The following SULT1B1 variants were observed in gnomAD, a reference collection of about 807,000 sequenced individuals.
The protein encoded by SULT1B1 is sulfotransferase 1B1.
Under a neutral mutation model 34.6 loss-of-function variants are expected in SULT1B1, and 28 were observed. The ratio of observed to expected loss-of-function variants is 0.81; its 90% CI spans 0.60 to 1.11. SULT1B1 has a LOEUF of 1.11. Ranked by LOEUF, SULT1B1 falls within the 50% of genes least tolerant of loss-of-function variation. The probability of loss-of-function intolerance (pLI) is 0.00; values close to 1 mark genes in which losing one functional copy is unlikely to be tolerated. For missense variants in SULT1B1, 374 were observed against 352.2 expected, an observed-to-expected ratio of 1.06 and a Z score of -0.50; for synonymous variants, 147 against 110.2, an observed-to-expected ratio of 1.33 and a Z score of -2.09.
intron 1 of SULT1B1, among the ~76,000 whole-genome samples, chr4:69,756,850 C>G (rs922635580): frequency 3.3e-5 from 5 of 152,088 alleles, no homozygotes; most frequent in African/African-American, 9.7e-5. Context: ...CCTTTTGGTT[C>G]TATTCAGGCC....
chr4:69,743,787 A>G (rs1429172425), intron 4 of SULT1B1, among the ~76,000 whole-genome samples: 1 of 152,204 alleles, frequency 6.6e-6, no homozygotes, highest in Non-Finnish European at 1.5e-5. Context: ...GGTGTCAACC[A>G]TGATCCGAGA....
intron 4 of SULT1B1, among the ~76,000 whole-genome samples, chr4:69,744,633 T>A (rs1718681945): frequency 6.6e-6 from 1 of 152,246 alleles, no homozygotes; most frequent in Non-Finnish European, 1.5e-5. Context: ...TCTTTGTGAA[T>A]CTAGCTAGTG....
At position 69,726,712 on chromosome 4, in the gene SULT1B1, T is replaced by A. The variant is rs1717846508; in HGVS notation, c.*376A>T. The A allele has an allele frequency of 6.5e-6, 1 of 154,460 alleles. No individual in the cohort carries two copies. Among genetic ancestry groups the A allele is most frequent in the Admixed American group, 6.5e-5 (1 of 15,290 alleles). The allele number at this position is 154,460 out of a possible 1,614,324, so 9.6% of individuals were successfully genotyped here. A position where few individuals can be genotyped will look rare whatever the true frequency, so the allele number is the denominator to read the frequency against. Reference sequence around the variant, plus strand: ...AGAGTTAGGAAATATAGTCTCATTATGAAAACAGCATTTCTTGGACCATGG... The same window carrying A: ...AGAGTTAGGAAATATAGTCTCATTAAGAAAACAGCATTTCTTGGACCATGG... On this transcript the variant is annotated 3_prime_UTR_variant, in exon 8 of 8. Coordinates refer to ENST00000310613, the MANE Select transcript of SULT1B1 (RefSeq NM_014465.4).
chr4:69,757,579 C>T (rs1027833025), intron 1 of SULT1B1, among the ~76,000 whole-genome samples: 2 of 151,148 alleles, frequency 1.3e-5, no homozygotes, highest in African/African-American at 2.5e-5. Flanking sequence ...CATCACTACC[C>T]CCATCTACAC....
chr4:69,749,683 G>GGC, intron 4 of SULT1B1, 38 bp downstream of exon 4: 3 of 1,416,040 alleles, frequency 2.1e-6, no homozygotes, highest in Non-Finnish European at 3.0e-6. Context: ...AAAGGGATAG[G>GGC]GCCATACTAA....
rs1717725343 is a variant in SULT1B1, at chr4:69,723,832, T to C, written c.*3256A>G. ...CTTTGACAAAATTCAACAGCCTTCA[T>C]GCTAAAAACTCTCAATAAATTAGGT... On this transcript the variant is annotated 3_prime_UTR_variant, in exon 8 of 8. Coordinates refer to ENST00000310613, the MANE Select transcript of SULT1B1 (RefSeq NM_014465.4). The C allele has an allele frequency of 1.3e-5, 2 of 152,204 alleles. No individual in the cohort carries two copies. The highest frequency in any genetic ancestry group is 2.9e-5 in the Non-Finnish European group (2 of 68,044). The allele number at this position is 152,204 out of a possible 1,614,324, so 9.4% of individuals were successfully genotyped here.
chr4:69,739,934 A>G (rs1718476429), intron 4 of SULT1B1, among the ~76,000 whole-genome samples: 1 of 152,206 alleles, frequency 6.6e-6, no homozygotes, highest in South Asian at 2.1e-4. Context: ...TCTCCATCTA[A>G]GACCACCTCA....
intron 4 of SULT1B1, among the ~76,000 whole-genome samples, chr4:69,738,340 G>T (rs1306025019): frequency 6.6e-6 from 1 of 152,140 alleles, no homozygotes; most frequent in Non-Finnish European, 1.5e-5. Flanking sequence ...AAGGAAAGAG[G>T]ATTAACTGAC....
In SULT1B1 at chr4:69,721,932, T is replaced by C. The variant is rs1000592202; in HGVS notation, c.*5156A>G. 2 of 152,140 alleles carry C rather than the reference T, an allele frequency of 1.3e-5. No homozygotes were observed. The highest frequency in any genetic ancestry group is 1.3e-4 in the Admixed American group (2 of 15,250). The allele number at this position is 152,140 out of a possible 1,614,324, so 9.4% of individuals were successfully genotyped here. A position where few individuals can be genotyped will look rare whatever the true frequency, so the allele number is the denominator to read the frequency against. On this transcript the variant is annotated 3_prime_UTR_variant, in exon 8 of 8. Transcript: ENST00000310613. ...AAGTGTTTTCATTTGGAAATTGTAC[T>C]GATGATTCAACAGGAGAAATAACGA... is the stretch of plus-strand genomic sequence containing the variant.
chr4:69,738,212 G>A (rs1008142480), intron 4 of SULT1B1, among the ~76,000 whole-genome samples: 4 of 152,194 alleles, frequency 2.6e-5, no homozygotes, highest in African/African-American at 4.8e-5. Flanking sequence ...TTATGGCTGT[G>A]TAGTATTCCG....
At position 69,740,094 on chromosome 4, in the gene SULT1B1, G is replaced by A. The variant is rs567096305; in HGVS notation, c.376-5830C>T. Among the ~76,000 whole-genome samples the A allele has an allele frequency of 1.2e-3, 184 of 152,176 alleles. 2 individuals are homozygous for A. Among genetic ancestry groups the A allele is most frequent in the African/African-American group, 4.3e-3 (179 of 41,504 alleles). On this transcript the variant is annotated intron_variant, in intron 4 of 7. Transcript: ENST00000310613. ...CCAAACTTTCCCACATTTTCCTGTC[G>A]TCTTCTGAGTCCTTCAAACTGTTCC... is the stretch of plus-strand genomic sequence containing the variant.
chr4:69,758,218 G>C, intron 1 of SULT1B1: 1 of 780,914 alleles, frequency 1.3e-6, no homozygotes, highest in Admixed American at 6.2e-5. Flanking sequence ...AAGAAAGTAA[G>C]TCTGTAAGCA....
At chr4:69,743,167 C>T (rs148315855) in intron 4 of SULT1B1, among the ~76,000 whole-genome samples, 109 of 152,290 alleles carry the variant, frequency 7.2e-4, no homozygotes, top group African/African-American at 2.6e-3. Context: ...TTCAGTTCTG[C>T]CATGCAGCGG....
At position 69,733,450 on chromosome 4, in the gene SULT1B1, T is replaced by G; in HGVS notation, c.560A>C (p.His187Pro). ...TTCATAGTACAAAAAAAGTATTGGG[T>G]GTTCTTCCTTTTTCTTCCACCAGTT... ...VKNWWKKKEE[H>P]PILFLYYEDM... is the part of the protein sequence containing the mutation. Residue 187 changes from histidine to proline, a missense_variant, in exon 6 of 8, where the codon CAC becomes CCC. Coordinates refer to ENST00000310613, the MANE Select transcript of SULT1B1 (RefSeq NM_014465.4). 1 of 1,609,002 alleles carries G rather than the reference T, an allele frequency of 6.2e-7. No homozygotes were observed. The highest frequency in any genetic ancestry group is 8.5e-7 in the Non-Finnish European group (1 of 1,178,168).
chr4:69,733,320 G>T (rs1282743306), intron 6 of SULT1B1, 93 bp downstream of exon 6: 2 of 793,810 alleles, frequency 2.5e-6, no homozygotes, highest in East Asian at 2.9e-5. Flanking sequence ...TCATCATTTT[G>T]GACTCGATAG....
At position 69,727,171 on chromosome 4, in the gene SULT1B1, T is replaced by A. The variant is rs769025900; in HGVS notation, c.808A>T (p.Thr270Ser). Reference protein sequence around the residue: ...GTAGDWKNYFTVAQNEKFDAI... With the variant: ...GTAGDWKNYFSVAQNEKFDAI... ...TCAAATTTCTCATTTTGGGCCACGG[T>A]GAAGTAATTCTTCCAGTCACCAGCC... Residue 270 changes from threonine (T) to serine (S), a missense_variant, in exon 8 of 8, where the codon ACC becomes TCC. Transcript: ENST00000310613. The A allele has an allele frequency of 5.6e-6, 9 of 1,611,246 alleles. No individual in the cohort carries two copies. The Admixed American group carries it at 1.5e-4, about 27-fold the overall frequency.
chr4:69,757,207 A>G (rs1233925893), intron 1 of SULT1B1, among the ~76,000 whole-genome samples: 1 of 152,094 alleles, frequency 6.6e-6, no homozygotes, highest in Non-Finnish European at 1.5e-5. Context: ...TTCATAATCG[A>G]TGTTCCATTT....
At chr4:69,747,077 T>G (rs1204094421) in intron 4 of SULT1B1, among the ~76,000 whole-genome samples, 1 of 152,108 alleles carries the variant, frequency 6.6e-6, no homozygotes, top group Non-Finnish European at 1.5e-5. Context: ...CTACCAGAGG[T>G]GCTGATGTGT....
chr4:69,759,961 C>A (rs965558671), intron 1 of SULT1B1, among the ~76,000 whole-genome samples: 3 of 152,162 alleles, frequency 2.0e-5, no homozygotes, highest in African/African-American at 7.2e-5. Flanking sequence ...CTATATTTTT[C>A]CATCAATTAG....
Sources: allele counts gnomAD v4.1 joint callset (sites outside exome capture counted in the v4.1 genomes callset), GRCh38; gene constraint gnomAD v4.1.1; transcripts MANE v1.5; gene names NCBI Gene and HGNC (gene_info 2026-07-23, HGNC 2026-07-21).